The following TBL1Y variants were observed in gnomAD, a reference collection of about 807,000 sequenced individuals.
TBL1Y encodes the protein transducin beta like 1 Y-linked.
In TBL1Y, 15 loss-of-function variants were observed where a neutral mutation model predicts 12.0. The observed-to-expected ratio is 1.25, with a 90% CI of 0.83 to 1.92. The LOEUF (loss-of-function observed/expected upper bound fraction) is 1.92. Among genes scored for constraint, TBL1Y ranks in the 40% most tolerant of loss-of-function variants. The pLI is 0.00. For synonymous variants in TBL1Y, 53 were observed against 42.6 expected (o/e 1.24, Z -0.95); for missense variants, 148 against 116.7 (o/e 1.27, Z -1.24).
chrY:6,995,731 G>A, intron 3 of TBL1Y, 73 bp from the exon 4 acceptor site: 2 of 29,335 alleles, frequency 6.8e-5, no homozygotes, highest in South Asian at 8.5e-4. Context: ...GGTTACAGCC[G>A]TGTGCTACCA....
chrY:7,037,507 C>T (rs975003933), intron 6 of TBL1Y, among the ~76,000 whole-genome samples: 2 of 32,571 alleles, frequency 6.1e-5, no homozygotes, highest in Non-Finnish European at 1.5e-4. Context: ...TGGTGAGTTA[C>T]GTTGGTGTAT....
intron 7 of TBL1Y, among the ~76,000 whole-genome samples, chrY:7,061,855 C>G (rs368821792): frequency 3.3e-5 from 1 of 30,339 alleles, no homozygotes; most frequent in Non-Finnish European, 7.9e-5. Flanking sequence ...GCCTGCCCCC[C>G]CACCCCCTCC....
At chrY:6,985,272 C>G in intron 3 of TBL1Y, among the ~76,000 whole-genome samples, 2 of 33,923 alleles carry the variant, frequency 5.9e-5, no homozygotes, top group African/African-American at 2.3e-4. Context: ...ACTTCTCTCT[C>G]TGGCTGGCTG....
chrY:6,923,765 C>G (rs765379885), intron 2 of TBL1Y, among the ~76,000 whole-genome samples: 2 of 33,083 alleles, frequency 6.0e-5, no homozygotes, highest in East Asian at 1.6e-3. Flanking sequence ...GATCCACCCC[C>G]CTCAGCCTTC....
At chrY:6,946,054 A>G (rs2011983015) in intron 2 of TBL1Y, among the ~76,000 whole-genome samples, 2 of 33,676 alleles carry the variant, frequency 5.9e-5, no homozygotes, top group Non-Finnish European at 1.5e-4. Flanking sequence ...AAGAGAAGTG[A>G]ACACATAACT....
In TBL1Y at chrY:7,080,853, A is replaced by G. The variant is rs746923886; in HGVS notation, c.1077A>G (p.Thr359=). 1 of 396,616 alleles carries G rather than the reference A, an allele frequency of 2.5e-6. No individual in the cohort carries two copies. The highest frequency in any genetic ancestry group is 9.3e-5 in the East Asian group (1 of 10,740). The change falls in exon 14 of 19, where the codon ACA becomes ACG. Residue 359 remains threonine, a splice_region_variant and synonymous_variant. Transcript: ENST00000383032. ...CAGTCAAAACCTTCCAGGGACACACAGTAAGTGAGAGCTCTTGTCACTGGT... is the reference window on the plus strand; with the variant it reads ...CAGTCAAAACCTTCCAGGGACACACGGTAAGTGAGAGCTCTTGTCACTGGT... The part of the protein sequence containing the change: ...DHPVKTFQGH[T]NEVNAIKWDP...
chrY:7,061,812 C>T (rs916096846), intron 7 of TBL1Y, among the ~76,000 whole-genome samples: 3 of 31,707 alleles, frequency 9.5e-5, no homozygotes, highest in Non-Finnish European at 2.3e-4. Context: ...TCTGGACTTA[C>T]GAACTGGTTA....
At chrY:7,063,867 T>C in intron 7 of TBL1Y, 30 bp from the exon 8 acceptor site, 2 of 397,741 alleles carry the variant, frequency 5.0e-6, no homozygotes, top group Non-Finnish European at 7.1e-6. Flanking sequence ...CCTTGTGAGC[T>C]GATGGCTGTC....
chrY:6,944,373 C>CACA (rs2011971549), intron 2 of TBL1Y, among the ~76,000 whole-genome samples: 1 of 34,188 alleles, frequency 2.9e-5, no homozygotes, highest in Admixed American at 2.6e-4. Flanking sequence ...GTGCAGTTGT[C>CACA]AAAATATCAA....
chrY:6,988,966 T>G, intron 3 of TBL1Y, among the ~76,000 whole-genome samples: 3 of 32,271 alleles, frequency 9.3e-5, no homozygotes, highest in African/African-American at 3.7e-4. Context: ...TGCATGTGTT[T>G]AAGATGTGGC....
At chrY:7,058,382 C>T (rs910939885) in intron 7 of TBL1Y, among the ~76,000 whole-genome samples, 4 of 33,348 alleles carry the variant, frequency 1.2e-4, no homozygotes, top group South Asian at 6.9e-4. Flanking sequence ...TGTTGGGAAA[C>T]GGAGGCTGGA....
intron 14 of TBL1Y, among the ~76,000 whole-genome samples, chrY:7,084,447 AC>A (rs2013116628): frequency 6.1e-5 from 2 of 33,034 alleles, no homozygotes; most frequent in Non-Finnish European, 7.5e-5. Flanking sequence ...CCGCCACCAC[AC>A]CTAGCTAACT....
intron 4 of TBL1Y, among the ~76,000 whole-genome samples, chrY:7,004,511 T>C (rs2012474900): frequency 2.9e-5 from 1 of 34,392 alleles, no homozygotes; most frequent in Non-Finnish European, 7.2e-5. Flanking sequence ...CACATAAGTG[T>C]AATCATACAT....
chrY:7,091,005 T>C, intron 18 of TBL1Y, among the ~76,000 whole-genome samples: 2 of 33,701 alleles, frequency 5.9e-5, no homozygotes, highest in South Asian at 1.4e-3. Flanking sequence ...CTGGGCACTC[T>C]TCTTCTCCCA....
chrY:7,002,828 C>T, intron 4 of TBL1Y, among the ~76,000 whole-genome samples: 1 of 33,650 alleles, frequency 3.0e-5, no homozygotes, highest in East Asian at 7.9e-4. Context: ...GCTTATCTGC[C>T]TTGTGACTTT....
intron 5 of TBL1Y, among the ~76,000 whole-genome samples, chrY:7,022,954 G>A: frequency 3.4e-5 from 1 of 29,735 alleles, no homozygotes; most frequent in Non-Finnish European, 7.9e-5. Context: ...ATGGGAGGGG[G>A]TCCTTTCTCT....
At chrY:6,990,684 G>A (rs2012357721) in intron 3 of TBL1Y, among the ~76,000 whole-genome samples, 3 of 26,748 alleles carry the variant, frequency 1.1e-4, no homozygotes, top group African/African-American at 4.5e-4. Flanking sequence ...TCAGCCTCCC[G>A]AGTAGCTGGG....
At chrY:7,070,110 A>C in intron 8 of TBL1Y, 86 bp from the exon 9 acceptor site, 1 of 287,175 alleles carries the variant, frequency 3.5e-6, no homozygotes, top group Non-Finnish European at 5.4e-6. Flanking sequence ...ACGTAAAAAC[A>C]AGGTGTTTCT....
At chrY:6,982,822 C>T (rs1017161394) in intron 3 of TBL1Y, among the ~76,000 whole-genome samples, 1 of 33,380 alleles carries the variant, frequency 3.0e-5, no homozygotes, top group Non-Finnish European at 7.4e-5. Flanking sequence ...ACCACTTTAA[C>T]TCTGCCTCCT....
Sources: gnomAD v4.1 joint callset for allele counts (sites outside exome capture counted in the v4.1 genomes callset) on GRCh38, gnomAD v4.1.1 for gene constraint, MANE v1.5 for transcripts, NCBI Gene and HGNC (gene_info 2026-07-23, HGNC 2026-07-21) for gene names.